MTCL1: variants seen among roughly 807,000 people sequenced by gnomAD.
MTCL1 encodes microtubule cross-linking factor 1.
In MTCL1, 79 loss-of-function variants were observed where a neutral mutation model predicts 141.4. That is an observed-to-expected ratio of 0.56 (90% confidence interval 0.47 to 0.67). MTCL1 has a LOEUF of 0.67. MTCL1 is among the 30% of genes least tolerant of loss of function. The probability of loss-of-function intolerance (pLI) is 0.00; values close to 1 mark genes in which losing one functional copy is unlikely to be tolerated. For synonymous variants in MTCL1, 914 were observed against 875.8 expected (o/e 1.04, Z -0.77); for missense variants, 2,177 against 2,113.9 (o/e 1.03, Z -0.59).
At chr18:8,826,324 T>A (rs1292509990) in intron 15 of MTCL1, 92 bp downstream of exon 14, 4 of 1,201,002 alleles carry the variant, frequency 3.3e-6, no homozygotes, top group Non-Finnish European at 4.6e-6. Flanking sequence ...CTCTGTCATT[T>A]GATCTCAGGA....
chr18:8,771,124 C>G (rs887024259), intron 4 of MTCL1, among the ~76,000 whole-genome samples: 2 of 152,022 alleles, frequency 1.3e-5, no homozygotes, highest in Admixed American at 1.3e-4. Context: ...TAAATGACAA[C>G]TTTAATATGG....
chr18:8,813,348 G>A (rs1024790419), intron 12 of MTCL1, 115 bp downstream of exon 11: 37 of 1,234,980 alleles, frequency 3.0e-5, no homozygotes, highest in Non-Finnish European at 3.9e-5. Flanking sequence ...AGGATGCATG[G>A]GCTTCCAAAG....
upstream of MTCL1, among the ~76,000 whole-genome samples, chr18:8,715,877 G>A (rs1052278333): frequency 3.3e-5 from 5 of 152,168 alleles, no homozygotes; most frequent in African/African-American, 1.2e-4. Context: ...TGGAAGGTTT[G>A]CAGAAGGTTG....
intron 3 of MTCL1, 113 bp from the exon 3 acceptor site, chr18:8,720,225 T>C: frequency 2.1e-6 from 2 of 956,710 alleles, no homozygotes; most frequent in Non-Finnish European, 3.2e-6. Context: ...CCAGGGTCTT[T>C]GCTATGTGGT....
chr18:8,765,615 A>G (rs1476894640), intron 4 of MTCL1, among the ~76,000 whole-genome samples: 3 of 152,212 alleles, frequency 2.0e-5, no homozygotes, highest in African/African-American at 7.2e-5. Context: ...AAGTGCCAAC[A>G]GGAGGGTGCT....
chr18:8,752,206 T>C (rs1481229499), intron 4 of MTCL1, among the ~76,000 whole-genome samples: 7 of 152,148 alleles, frequency 4.6e-5, no homozygotes. Flanking sequence ...CTAAATATAA[T>C]CCAGTGTTTT....
chr18:8,802,296 A>G (rs1473510740), intron 10 of MTCL1: 2 of 152,224 alleles, frequency 1.3e-5, no homozygotes, highest in Admixed American at 1.3e-4. Flanking sequence ...CGTGGATGCT[A>G]TCACCTCTAT....
At chr18:8,768,532 A>G (rs377323831) in intron 4 of MTCL1, among the ~76,000 whole-genome samples, 10 of 152,308 alleles carry the variant, frequency 6.6e-5, no homozygotes, top group East Asian at 3.9e-4. Context: ...GAACTTTCCT[A>G]TGTGCTCTTT....
chr18:8,714,588 T>TA (rs1404442703), upstream of MTCL1, among the ~76,000 whole-genome samples: 1 of 152,152 alleles, frequency 6.6e-6, no homozygotes, highest in Non-Finnish European at 1.5e-5. Flanking sequence ...TAAGAACGTG[T>TA]GCAGGGAAAC....
At chr18:8,706,397 C>A in exon 1 of MTCL1, 1 of 1,229,364 alleles carries the variant, frequency 8.1e-7, no homozygotes, top group East Asian at 3.2e-5. Flanking sequence ...CGTGAACCCC[C>A]ACGAGGAGCG....
chr18:8,785,726 G>A, intron 6 of MTCL1: 1 of 608,304 alleles, frequency 1.6e-6, no homozygotes, highest in Non-Finnish European at 2.9e-6. Context: ...CCTCATCTTG[G>A]GTCTGTTTTC....
chr18:8,786,345 T>A (rs1220182011), intron 7 of MTCL1: 1 of 676,900 alleles, frequency 1.5e-6, no homozygotes, highest in African/African-American at 1.8e-5. Context: ...CACCTCCTGT[T>A]TCCGCAGACC....
chr18:8,774,797 C>T (rs1005719150), intron 4 of MTCL1, among the ~76,000 whole-genome samples: 2 of 152,156 alleles, frequency 1.3e-5, no homozygotes, highest in African/African-American at 4.8e-5. Context: ...CTCTGGTTAA[C>T]TTTAAAACTT....
At chr18:8,755,210 G>A (rs985652963) in intron 4 of MTCL1, among the ~76,000 whole-genome samples, 9 of 152,224 alleles carry the variant, frequency 5.9e-5, no homozygotes, top group East Asian at 1.9e-4. Flanking sequence ...GGTCACACGC[G>A]TGACAGGACG....
Position 8,823,035 on chromosome 18 carries a change from AAGAT to A in MTCL1, c.3188+1556_3188+1559del, listed in dbSNP as rs533874740. 2.8e-3 allele frequency among the ~76,000 whole-genome samples: 426 copies of A among 151,978 alleles called. 1 individual carries two copies. Among genetic ancestry groups the A allele is most frequent in the African/African-American group, 9.1e-3 (376 of 41,428 alleles). Reference sequence around the variant, plus strand: ...TAAGACTCCGTCTCAAAAAAAAAAAAAGATAGATAGATAGATAGATAGTCTCAAA... The same window carrying A: ...TAAGACTCCGTCTCAAAAAAAAAAAAAGATAGATAGATAGATAGTCTCAAA... On this transcript the variant is annotated intron_variant, in intron 14 of 16. Transcript: ENST00000359865.
exon 15 of MTCL1, chr18:8,826,208 C>G: frequency 6.2e-7 from 1 of 1,605,514 alleles, no homozygotes; most frequent in Non-Finnish European, 8.5e-7. Flanking sequence ...CGCTGGGGGA[C>G]ACAGCCGAGC....
rs1471467360 is a variant in MTCL1, at chr18:8,822,853, TCAC to T, written c.3188+1359_3188+1361del. Among the ~76,000 whole-genome samples, 2 of 152,118 alleles carry T rather than the reference TCAC, an allele frequency of 1.3e-5. No individual in the cohort carries two copies. Among genetic ancestry groups the T allele is most frequent in the Non-Finnish European group, 2.9e-5 (2 of 68,020 alleles). ...GGTTAGGCTTTGGAGCAACTGTACT[TCAC>T]CACTCAAGCCATCAACTTTTATGCT... On this transcript the variant is annotated intron_variant, in intron 14 of 16. Transcript: ENST00000359865. The surrounding 1 kb of genome is among the most constrained non-coding windows in gnomAD (Gnocchi z 4.6).
intron 4 of MTCL1, among the ~76,000 whole-genome samples, chr18:8,760,277 G>A (rs1417756451): frequency 6.6e-6 from 1 of 152,204 alleles, no homozygotes; most frequent in Non-Finnish European, 1.5e-5. Flanking sequence ...TCCTGGCCGT[G>A]TGGTGGGCAA....
chr18:8,766,340 C>T (rs546127092), intron 4 of MTCL1, among the ~76,000 whole-genome samples: 3 of 151,788 alleles, frequency 2.0e-5, no homozygotes, highest in East Asian at 3.9e-4. Context: ...CATGAGTTGT[C>T]GGAGGTCTGG....
Sources: gnomAD v4.1 joint callset for allele counts (sites outside exome capture counted in the v4.1 genomes callset) on GRCh38, gnomAD v4.1.1 for gene constraint, Gnocchi (gnomAD v3.1) non-coding constraint, MANE v1.5 for transcripts, NCBI Gene and HGNC (gene_info 2026-07-23, HGNC 2026-07-21) for gene names.